The following ROBO2 variants were observed in gnomAD, a reference collection of about 807,000 sequenced individuals.
ROBO2 encodes the protein roundabout homolog 2.
A neutral mutation model predicts 160.8 loss-of-function variants in ROBO2; 53 were observed. That is an observed-to-expected ratio of 0.33 (90% confidence interval 0.26 to 0.41). The LOEUF is 0.41. ROBO2 is among the 10% of genes least tolerant of loss of function. ROBO2 has a pLI of 1.00. For synonymous variants in ROBO2, 664 were observed against 611.7 expected, an observed-to-expected ratio of 1.09 and a Z score of -1.26; for missense variants, 1,577 against 1,722.4, an observed-to-expected ratio of 0.92 and a Z score of 1.49.
chr3:77,573,530 TGAA>T (rs1341755308), intron 13 of ROBO2, among the ~76,000 whole-genome samples: 1 of 152,056 alleles, frequency 6.6e-6, no homozygotes, highest in Non-Finnish European at 1.5e-5. Context: ...ATGGGACAAT[TGAA>T]GAGTCAGAAG....
At chr3:77,148,012 G>A (rs557519279) in intron 2 of ROBO2, among the ~76,000 whole-genome samples, 2 of 152,328 alleles carry the variant, frequency 1.3e-5, no homozygotes, top group South Asian at 2.1e-4. Flanking sequence ...ACACAGAGAC[G>A]CGAGGCCTGG....
At chr3:76,919,454 TA>T (rs1237835850) in intron 2 of ROBO2, among the ~76,000 whole-genome samples, 1 of 152,214 alleles carries the variant, frequency 6.6e-6, no homozygotes, top group East Asian at 1.9e-4. Context: ...TCTCCTCATA[TA>T]AATCAATTTC....
chr3:76,623,946 A>G (rs1395278551), intron 2 of ROBO2, among the ~76,000 whole-genome samples: 1 of 152,172 alleles, frequency 6.6e-6, no homozygotes, highest in African/African-American at 2.4e-5. Context: ...TACATTTAGT[A>G]TAACTTATAT....
Position 77,425,022 on chromosome 3 carries a change from T to A in ROBO2, c.389-52392T>A, listed in dbSNP as rs79478337. 3.8e-3 allele frequency among the ~76,000 whole-genome samples: 586 copies of A among 152,316 alleles called. 3 individuals are homozygous for A. The highest frequency in any genetic ancestry group is 0.02 in the Middle Eastern group (6 of 294). Reference sequence around the variant, plus strand: ...TACCATAGATAAAGAGAGATACATATATATGACGTAGTATTTGAGTGAGAT... The same window carrying A: ...TACCATAGATAAAGAGAGATACATAAATATGACGTAGTATTTGAGTGAGAT... On this transcript the variant is annotated intron_variant, in intron 2 of 25. Transcript: ENST00000461745.
intron 2 of ROBO2, among the ~76,000 whole-genome samples, chr3:76,065,252 C>G (rs73842948): frequency 0.021 from 3,126 of 152,146 alleles, 44 homozygotes; most frequent in East Asian, 0.08. Flanking sequence ...GCTTGTCCTA[C>G]AATTATAGAA....
At chr3:75,992,035 G>T (rs916115954) in intron 2 of ROBO2, among the ~76,000 whole-genome samples, 1 of 152,168 alleles carries the variant, frequency 6.6e-6, no homozygotes, top group Non-Finnish European at 1.5e-5. Context: ...GTAAAAGGAA[G>T]TCAGTTTTAA....
intron 2 of ROBO2, among the ~76,000 whole-genome samples, chr3:76,329,527 T>G (rs2073319406): frequency 6.6e-6 from 1 of 152,182 alleles, no homozygotes; most frequent in African/African-American, 2.4e-5. Context: ...CTCAGAATCT[T>G]GTACAGCAAA....
chr3:77,181,632 T>C (rs2080791765), intron 2 of ROBO2, among the ~76,000 whole-genome samples: 2 of 152,216 alleles, frequency 1.3e-5, no homozygotes, highest in South Asian at 2.1e-4. Flanking sequence ...AGCAGAGGAA[T>C]TAGGATTTAA....
intron 2 of ROBO2, among the ~76,000 whole-genome samples, chr3:76,163,550 T>G (rs1283829563): frequency 6.7e-6 from 1 of 149,768 alleles, no homozygotes; most frequent in African/African-American, 2.4e-5. Context: ...ATATTTGAAT[T>G]ATATGTATAT....
chr3:77,214,795 C>T (rs1425252374), intron 2 of ROBO2, among the ~76,000 whole-genome samples: 2 of 152,152 alleles, frequency 1.3e-5, no homozygotes, highest in East Asian at 3.9e-4. Flanking sequence ...AATCTCTCAG[C>T]ATTTGCTCGT....
chr3:76,999,738 T>C (rs1451957668), intron 2 of ROBO2, among the ~76,000 whole-genome samples: 2 of 152,198 alleles, frequency 1.3e-5, no homozygotes, highest in Non-Finnish European at 2.9e-5. Context: ...TCAAGAGTTG[T>C]ATGCTTTCTG....
intron 2 of ROBO2, among the ~76,000 whole-genome samples, chr3:77,221,472 TC>T (rs2085782578): frequency 6.6e-6 from 1 of 152,204 alleles, no homozygotes; most frequent in Non-Finnish European, 1.5e-5. Flanking sequence ...ATATTGGGAT[TC>T]AGGCTCAATC....
chr3:76,307,343 C>T (rs1388242330), intron 2 of ROBO2, among the ~76,000 whole-genome samples: 1 of 152,200 alleles, frequency 6.6e-6, no homozygotes, highest in East Asian at 1.9e-4. Flanking sequence ...TTAATATATA[C>T]CTCCTTTATA....
At chr3:76,257,192 A>G (rs530643827) in intron 2 of ROBO2, among the ~76,000 whole-genome samples, 2 of 152,320 alleles carry the variant, frequency 1.3e-5, no homozygotes, top group South Asian at 2.1e-4. Flanking sequence ...GCCAGAATAT[A>G]CAATGAAACT....
chr3:76,311,057 C>T (rs1405343291), intron 2 of ROBO2: 2 of 152,168 alleles, frequency 1.3e-5, no homozygotes, highest in Non-Finnish European at 2.9e-5. Context: ...AAGTGGAGAA[C>T]AGAAATTATT....
chr3:76,287,107 CTG>C (rs1708540654), intron 2 of ROBO2, among the ~76,000 whole-genome samples: 1 of 152,100 alleles, frequency 6.6e-6, no homozygotes, highest in Non-Finnish European at 1.5e-5. Context: ...CATTTGTTAA[CTG>C]TGCCATCAAC....
chr3:77,494,611 C>G (rs1346811660), intron 5 of ROBO2, among the ~76,000 whole-genome samples: 1 of 152,084 alleles, frequency 6.6e-6, no homozygotes, highest in Admixed American at 6.6e-5. Context: ...AACAAAACAA[C>G]AAAACAACTT....
At chr3:75,940,103 C>T (rs1274565019) in intron 2 of ROBO2, among the ~76,000 whole-genome samples, 1 of 152,158 alleles carries the variant, frequency 6.6e-6, no homozygotes, top group African/African-American at 2.4e-5. Flanking sequence ...TCTACACAAC[C>T]TCTTCATATT....
intron 12 of ROBO2, among the ~76,000 whole-genome samples, chr3:77,566,428 A>C (rs943611139): frequency 1.3e-5 from 2 of 152,084 alleles, no homozygotes; most frequent in Non-Finnish European, 2.9e-5. Flanking sequence ...ATTGCTTTTT[A>C]CTGTGTTTGA....
Sources: allele counts gnomAD v4.1 joint callset (sites outside exome capture counted in the v4.1 genomes callset), GRCh38; gene constraint gnomAD v4.1.1; transcripts MANE v1.5; gene names NCBI Gene and HGNC (gene_info 2026-07-23, HGNC 2026-07-21).